The following ACBD6 variants were observed in gnomAD, a reference collection of about 807,000 sequenced individuals.
ACBD6 encodes acyl-CoA-binding domain-containing protein 6.
A neutral mutation model predicts 37.2 loss-of-function variants in ACBD6; 28 were observed. That is an observed-to-expected ratio of 0.75 (90% CI 0.56 to 1.03). The LOEUF is 1.03. Among genes scored for constraint, ACBD6 ranks in the 50% least tolerant of loss-of-function variants. The pLI is 0.00. For synonymous variants in ACBD6, 113 were observed against 126.8 expected (o/e 0.89, Z 0.73); for missense variants, 340 against 337.4 (o/e 1.01, Z -0.06).
chr1:180,271,367 T>A, exon 14 of ACBD6: 1 of 1,613,492 alleles, frequency 6.2e-7, no homozygotes, highest in East Asian at 2.2e-5. Flanking sequence ...TAAGCAGTGG[T>A]TTTTCCTTGC....
chr1:180,341,288 A>G lies in ACBD6; in HGVS notation c.664-26566T>C, dbSNP rs1166273816. 2.0e-5 allele frequency among the ~76,000 whole-genome samples: 3 copies of G among 152,194 alleles called. No individual in the cohort carries two copies. The East Asian group carries it at 5.8e-4, about 29-fold the overall frequency. ...GCAGGCATATTATACGATACTAGGT[A>G]GTCATAAGAAATTATGTTAAAAAGA... On this transcript the variant is annotated intron_variant, in intron 6 of 7. Coordinates refer to ENST00000367595, the MANE Select transcript of ACBD6 (RefSeq NM_032360.4).
chr1:180,473,047 A>G (rs1404631422), intron 3 of ACBD6, among the ~76,000 whole-genome samples: 1 of 152,232 alleles, frequency 6.6e-6, no homozygotes, highest in Non-Finnish European at 1.5e-5. Context: ...GGACTATAAA[A>G]ATTTGTATGT....
intron 3 of ACBD6, among the ~76,000 whole-genome samples, chr1:180,446,636 T>C (rs1375812756): frequency 4.6e-5 from 7 of 152,170 alleles, no homozygotes; most frequent in South Asian, 2.1e-4. Flanking sequence ...CAGTAATATT[T>C]ATAAAATTTT....
At chr1:180,473,459 A>T (rs6425640) in intron 3 of ACBD6, among the ~76,000 whole-genome samples, 1 of 150,826 alleles carries the variant, frequency 6.6e-6, no homozygotes, top group Non-Finnish European at 1.5e-5. Context: ...AAAAAAAAAA[A>T]AAAAAACTTT....
intron 3 of ACBD6, among the ~76,000 whole-genome samples, chr1:180,444,559 T>G (rs752591487): frequency 2.0e-5 from 3 of 152,198 alleles, no homozygotes; most frequent in South Asian, 2.1e-4. Flanking sequence ...ATGCGTTAGT[T>G]TTCCTTTCTA....
Position 180,458,115 on chromosome 1 carries a change from A to C in ACBD6, c.385-27853T>G, listed in dbSNP as rs140683989. ...CCGGCCAAAAATTAACTTTTTACCA[A>C]TGTTGATAGTATAATCCTAATATAT... is the stretch of plus-strand genomic sequence containing the variant. On this transcript the variant is annotated intron_variant, in intron 3 of 7. Coordinates refer to ENST00000367595, the MANE Select transcript of ACBD6 (RefSeq NM_032360.4). Among the ~76,000 whole-genome samples the C allele has an allele frequency of 3.5e-3, 528 of 152,264 alleles. 1 individual carries two copies. Among genetic ancestry groups the C allele is most frequent in the Admixed American group, 6.2e-3 (95 of 15,296 alleles).
rs1650244061 is a variant in ACBD6, at chr1:180,463,882, G to C, written c.384+28387C>G. On this transcript the variant is annotated intron_variant, in intron 3 of 7. Coordinates refer to ENST00000367595, the MANE Select transcript of ACBD6 (RefSeq NM_032360.4). Reference sequence around the variant, plus strand: ...CATGATCAAGTAGGCTTCATCCCTGGGATGCAAGGTTGGTTCAACATACGC... The same window carrying C: ...CATGATCAAGTAGGCTTCATCCCTGCGATGCAAGGTTGGTTCAACATACGC... 3.3e-5 allele frequency among the ~76,000 whole-genome samples: 5 copies of C among 152,078 alleles called. No homozygotes were observed. The South Asian group carries it at 1.0e-3, about 31-fold the overall frequency.
At chr1:180,299,432 ACCCTGGGAACCTCTATT>A (rs951997151) in intron 7 of ACBD6, among the ~76,000 whole-genome samples, 1 of 152,132 alleles carries the variant, frequency 6.6e-6, no homozygotes, top group African/African-American at 2.4e-5. Flanking sequence ...AATTTATGGT[ACCCTGGGAACCTCTATT>A]TGTCAAGTGC....
chr1:180,421,262 T>C (rs1287681848), intron 4 of ACBD6, among the ~76,000 whole-genome samples: 1 of 152,200 alleles, frequency 6.6e-6, no homozygotes, highest in Non-Finnish European at 1.5e-5. Context: ...TGAGAACATG[T>C]GGTGTTTGGT....
At chr1:180,496,482 T>G (rs1651743759) in intron 1 of ACBD6, among the ~76,000 whole-genome samples, 1 of 152,204 alleles carries the variant, frequency 6.6e-6, no homozygotes, top group African/African-American at 2.4e-5. Flanking sequence ...GATGCCTTCA[T>G]CTAACCAGAA....
At chr1:180,394,182 C>G (rs1252873995) in intron 6 of ACBD6, among the ~76,000 whole-genome samples, 2 of 152,128 alleles carry the variant, frequency 1.3e-5, no homozygotes, top group Admixed American at 1.3e-4. Flanking sequence ...TAACCTCAAA[C>G]TCCTGGGCTC....
intron 6 of ACBD6, among the ~76,000 whole-genome samples, chr1:180,350,838 A>G (rs550518756): frequency 6.6e-6 from 1 of 152,208 alleles, no homozygotes; most frequent in South Asian, 2.1e-4. Context: ...GGATTTGGTT[A>G]TAGTCTGGCT....
At chr1:180,499,319 T>C (rs1166942873) in intron 1 of ACBD6, among the ~76,000 whole-genome samples, 2 of 152,234 alleles carry the variant, frequency 1.3e-5, no homozygotes, top group Non-Finnish European at 1.5e-5. Flanking sequence ...ATTTAGGAGA[T>C]TGATGAAAAC....
At chr1:180,330,761 A>G (rs781191862) in intron 6 of ACBD6, among the ~76,000 whole-genome samples, 7 of 152,232 alleles carry the variant, frequency 4.6e-5, no homozygotes, top group Non-Finnish European at 8.8e-5. Flanking sequence ...ATTTACTTTA[A>G]CATCATATTA....
intron 1 of ACBD6, among the ~76,000 whole-genome samples, chr1:180,498,843 G>A (rs1438115921): frequency 6.8e-6 from 1 of 147,112 alleles, no homozygotes; most frequent in Non-Finnish European, 1.5e-5. Context: ...GGATGACAGA[G>A]CAAAACTGTC....
intron 3 of ACBD6, among the ~76,000 whole-genome samples, chr1:180,453,975 A>C (rs1649814423): frequency 6.6e-6 from 1 of 152,222 alleles, no homozygotes; most frequent in Admixed American, 6.5e-5. Flanking sequence ...ATTCAATGCT[A>C]TCCCCATCAA....
Position 180,403,005 on chromosome 1 carries a change from G to C in ACBD6, c.574-5400C>G, listed in dbSNP as rs148614223. Reference sequence around the variant, plus strand: ...TTCACATGATGGAACATATTCAGCAGTATAAAAGAAGGAAGTACTGAACTA... The same window carrying C: ...TTCACATGATGGAACATATTCAGCACTATAAAAGAAGGAAGTACTGAACTA... On this transcript the variant is annotated intron_variant, in intron 5 of 7. Transcript: ENST00000367595. 3.1e-3 allele frequency among the ~76,000 whole-genome samples: 475 copies of C among 152,218 alleles called. 2 individuals are homozygous for C. The highest frequency in any genetic ancestry group is 0.011 in the African/African-American group (449 of 41,530).
At chr1:180,420,134 G>A (rs1648295119) in intron 4 of ACBD6, among the ~76,000 whole-genome samples, 1 of 152,174 alleles carries the variant, frequency 6.6e-6, no homozygotes, top group South Asian at 2.1e-4. Flanking sequence ...TGGTTTGGAA[G>A]CAATCATTTC....
At chr1:180,333,971 G>C (rs1259504168) in intron 6 of ACBD6, among the ~76,000 whole-genome samples, 1 of 152,230 alleles carries the variant, frequency 6.6e-6, no homozygotes, top group Non-Finnish European at 1.5e-5. Flanking sequence ...CTGGGGGAGG[G>C]GCGCCTGCCA....
Sources: gnomAD v4.1 joint callset for allele counts (sites outside exome capture counted in the v4.1 genomes callset) on GRCh38, gnomAD v4.1.1 for gene constraint, MANE v1.5 for transcripts, NCBI Gene and HGNC (gene_info 2026-07-23, HGNC 2026-07-21) for gene names.